PRSS16: variants seen among roughly 807,000 people sequenced by gnomAD.
The protein encoded by PRSS16 is serine protease 16, also known as thymus-specific serine protease.
PRSS16 carries 43 observed loss-of-function variants against 61.7 expected under a neutral mutation model. That is an observed-to-expected ratio of 0.70 (90% CI 0.55 to 0.90). The LOEUF is 0.90. Among genes scored for constraint, PRSS16 ranks in the 40% least tolerant of loss-of-function variants. The pLI is 0.00. For missense variants in PRSS16, 591 were observed against 659.1 expected (o/e 0.90, Z 1.13); for synonymous variants, 273 against 285.2 (o/e 0.96, Z 0.43).
At position 27,250,806 on chromosome 6, in the gene PRSS16, G is replaced by C; in HGVS notation, c.591G>C (p.Lys197Asn). 6.2e-7 allele frequency: 1 copy of C among 1,607,334 alleles called. No individual in the cohort carries two copies. Among genetic ancestry groups the C allele is most frequent in the Non-Finnish European group, 8.5e-7 (1 of 1,177,146 alleles). The change falls in exon 5 of 12, where the codon AAG (lysine) becomes AAC (asparagine). Residue 197 changes from lysine (K) to asparagine (N), a missense_variant and splice_region_variant. By Grantham distance (94) the Lys-to-Asn change is moderately conservative. Transcript: ENST00000230582. The stretch of plus-strand genomic sequence containing the variant: ...CCTTGGCCGCCTGGGCCCGGCTGAA[G>C]GTCCTGCGACTCCTCCGGGTGGGCT... ...AGSLAAWARLKFPHLIFASVA... is the reference protein window; with the variant it reads ...AGSLAAWARLNFPHLIFASVA...
chr6:27,247,708 C>T lies in PRSS16; in HGVS notation c.-30C>T, dbSNP rs780640070. The T allele has an allele frequency of 7.7e-6, 12 of 1,551,714 alleles. No individual in the cohort carries two copies. In the South Asian group the frequency reaches 9.5e-5, roughly 12 times the overall value. ...GGCTGCTGAGGATAAGATAAAGGTCCTCCTGGGGGAGAACAGAGTCCCGAA... is the reference window on the plus strand; with the variant it reads ...GGCTGCTGAGGATAAGATAAAGGTCTTCCTGGGGGAGAACAGAGTCCCGAA... On this transcript the variant is annotated 5_prime_UTR_variant, in exon 1 of 12. Coordinates refer to ENST00000230582, the MANE Select transcript of PRSS16 (RefSeq NM_005865.4).
chr6:27,252,296 T>G lies in PRSS16; in HGVS notation c.1008+256T>G. Reference sequence around the variant, plus strand: ...TACCTATTTTGCCTATCCTGTCCTGTTCTCTTTTGGGGGGCCTGCAGGAGT... The same window carrying G: ...TACCTATTTTGCCTATCCTGTCCTGGTCTCTTTTGGGGGGCCTGCAGGAGT... On this transcript the variant is annotated intron_variant, in intron 8 of 11. Transcript: ENST00000230582. This position sits in a 1 kb window ranked among gnomAD's most constrained non-coding sequence, Gnocchi z 4.2. The G allele has an allele frequency of 2.0e-6, 1 of 495,454 alleles. No individual in the cohort carries two copies. The allele number at this position is 495,454 out of a possible 1,614,324, so 30.7% of individuals were successfully genotyped here. A position where few individuals can be genotyped will look rare whatever the true frequency, so the allele number is the denominator to read the frequency against.
At position 27,252,052 on chromosome 6, in the gene PRSS16, C is replaced by T. The variant is rs545926890; in HGVS notation, c.1008+12C>T. 6 of 1,488,198 alleles carry T rather than the reference C, an allele frequency of 4.0e-6. No homozygotes were observed. Among genetic ancestry groups the T allele is most frequent in the South Asian group, 1.3e-5 (1 of 77,432 alleles). 92.2% of individuals were successfully genotyped at this position (1,488,198 alleles called of 1,614,324 possible). ...GTCGGGCGGTGCAGGTGAGCACTCC[C>T]TGGCACAGCTGGGAGGAGTTAGCGG... On this transcript the variant is annotated intron_variant, in intron 8 of 11. Transcript: ENST00000230582. The surrounding 1 kb of genome is among the most constrained non-coding windows in gnomAD (Gnocchi z 4.2).
At position 27,251,032 on chromosome 6, in the gene PRSS16, C is replaced by T. The variant is rs1759875803; in HGVS notation, c.592-10C>T. 2.5e-6 allele frequency: 4 copies of T among 1,613,570 alleles called. No individual in the cohort carries two copies. Among genetic ancestry groups the T allele is most frequent in the Non-Finnish European group, 3.4e-6 (4 of 1,180,032 alleles). On this transcript the variant is annotated splice_polypyrimidine_tract_variant and intron_variant, in intron 5 of 11. Coordinates refer to ENST00000230582, the MANE Select transcript of PRSS16 (RefSeq NM_005865.4). This position sits in a 1 kb window ranked among gnomAD's most constrained non-coding sequence, Gnocchi z 5.6. ...CTCAGCCCGCAGGCTGACGGCGTCT[C>T]CTCCCTTAGTTCCCCCATCTCATTT...
Position 27,249,245 on chromosome 6 carries a change from G to A in PRSS16, c.467+16G>A, listed in dbSNP as rs1295512093. The A allele has an allele frequency of 1.2e-6, 2 of 1,611,422 alleles. No homozygotes were observed. The highest frequency in any genetic ancestry group is 1.3e-5 in the African/African-American group (1 of 74,998). The stretch of plus-strand genomic sequence containing the variant: ...GCCGCCTTGCGTGAGTGGAGGAAGG[G>A]AAAGTGTTTATGGTCAAAGGACAGG... On this transcript the variant is annotated intron_variant, in intron 4 of 11. Coordinates refer to ENST00000230582, the MANE Select transcript of PRSS16 (RefSeq NM_005865.4).
intron 9 of PRSS16, chr6:27,253,218 G>T: frequency 2.1e-6 from 1 of 472,896 alleles, no homozygotes; most frequent in Non-Finnish European, 3.9e-6. Flanking sequence ...TCCAGGGATG[G>T]CCCCCTTTCC....
At chr6:27,253,395 T>C (rs1759961319) in intron 9 of PRSS16, 2 of 377,658 alleles carry the variant, frequency 5.3e-6, no homozygotes, top group South Asian at 4.1e-5. Flanking sequence ...CCTCCATTCT[T>C]TCTTGCCGGG....
Position 27,250,748 on chromosome 6 carries a change from C to T in PRSS16, c.533C>T (p.Pro178Leu). The T allele has an allele frequency of 1.2e-6, 2 of 1,613,978 alleles. No homozygotes were observed. The highest frequency in any genetic ancestry group is 1.7e-6 in the Non-Finnish European group (2 of 1,179,946). ...SRLFNISSSS[P>L]WICFGGSYAG... is the part of the protein sequence containing the mutation. Reference sequence around the variant, plus strand: ...CTCTTTAACATCTCCTCCTCCAGCCCCTGGATCTGCTTCGGAGGCTCCTAT... The same window carrying T: ...CTCTTTAACATCTCCTCCTCCAGCCTCTGGATCTGCTTCGGAGGCTCCTAT... Residue 178 changes from proline to leucine, a missense_variant, in exon 5 of 12, where the codon CCC becomes CTC. Pro to Leu is a moderately conservative substitution (Grantham distance 98). Coordinates refer to ENST00000230582, the MANE Select transcript of PRSS16 (RefSeq NM_005865.4).
In PRSS16 at chr6:27,255,387, G is replaced by A; in HGVS notation, c.*72G>A. The A allele has an allele frequency of 2.1e-6, 3 of 1,436,628 alleles. No individual in the cohort carries two copies. The highest frequency in any genetic ancestry group is 1.3e-5 in the South Asian group (1 of 77,800). The allele number at this position is 1,436,628 out of a possible 1,614,324, so 89.0% of individuals were successfully genotyped here. On this transcript the variant is annotated 3_prime_UTR_variant, in exon 12 of 12. Coordinates refer to ENST00000230582, the MANE Select transcript of PRSS16 (RefSeq NM_005865.4). The surrounding 1 kb of genome is among the most constrained non-coding windows in gnomAD (Gnocchi z 4.4). ...ATACTTGTTCACTGAACAAAAGAAA[G>A]CAGCTTGTTTTGAAAGAAGAAACTC...
chr6:27,247,978 T>G lies in PRSS16; in HGVS notation c.167T>G (p.Leu56Arg). 1 of 1,612,272 alleles carries G rather than the reference T, an allele frequency of 6.2e-7. No individual in the cohort carries two copies. Among genetic ancestry groups the G allele is most frequent in the Non-Finnish European group, 8.5e-7 (1 of 1,179,194 alleles). ...AGCCTGGGGCCAGGTGCTGCAGCCC[T>G]CCCAAAAGTGGGGTGGCTGGAGCAA... ...GLSLGPGAAA[L>R]PKVGWLEQLL... is the part of the protein sequence containing the mutation. The change falls in exon 2 of 12, where the codon CTC (leucine) becomes CGC (arginine). Residue 56 changes from leucine (L) to arginine (R), a missense_variant. Physicochemically the swap from Leu to Arg is moderately radical, Grantham distance 102 (BLOSUM62 -2). Transcript: ENST00000230582.
intron 9 of PRSS16, chr6:27,253,327 C>A: frequency 3.0e-6 from 1 of 331,308 alleles, no homozygotes; most frequent in South Asian, 2.7e-5. Flanking sequence ...TCTGCATGGA[C>A]AACTCTGTAG....
At position 27,255,639 on chromosome 6, in the gene PRSS16, G is replaced by C. The variant is rs997203722; in HGVS notation, c.*324G>C. On this transcript the variant is annotated 3_prime_UTR_variant, in exon 12 of 12. Coordinates refer to ENST00000230582, the MANE Select transcript of PRSS16 (RefSeq NM_005865.4). This position sits in a 1 kb window ranked among gnomAD's most constrained non-coding sequence, Gnocchi z 4.4. ...TTCTGGTTCAAATTCTGCCACTCCA[G>C]CTCCTGGGTTAGGGGCTTTGCTGTA... The C allele has an allele frequency of 5.5e-5, 15 of 273,248 alleles. No individual in the cohort carries two copies. Among genetic ancestry groups the C allele is most frequent in the South Asian group, 4.2e-4 (10 of 24,022 alleles). The allele number at this position is 273,248 out of a possible 1,614,324, so 16.9% of individuals were successfully genotyped here. A position where few individuals can be genotyped will look rare whatever the true frequency, so the allele number is the denominator to read the frequency against.
intron 9 of PRSS16, 49 bp from the exon 10 acceptor site, chr6:27,254,644 A>G (rs911688512): frequency 6.8e-7 from 1 of 1,477,754 alleles, no homozygotes; most frequent in African/African-American, 1.4e-5. Flanking sequence ...ATTGAAGGAG[A>G]GTGGTGGGCT....
intron 4 of PRSS16, among the ~76,000 whole-genome samples, chr6:27,249,674 A>T (rs1759831174): frequency 6.6e-6 from 1 of 152,182 alleles, no homozygotes; most frequent in Non-Finnish European, 1.5e-5. Context: ...AGCAATTTTG[A>T]CTGTATTTGA....
rs185057372 is a variant in PRSS16 at position 27,254,875 on chromosome 6, G to A, written c.1330+3G>A. ...TAACAAAGTGCTGTTTGTTAATGGT[G>A]AGCATGCTATCAAAACCTGGCTGCT... On this transcript the variant is annotated splice_donor_region_variant and intron_variant, in intron 10 of 11. Coordinates refer to ENST00000230582, the MANE Select transcript of PRSS16 (RefSeq NM_005865.4). 97 of 1,613,732 alleles carry A rather than the reference G, an allele frequency of 6.0e-5. No homozygotes were observed. The African/African-American group carries it at 1.3e-3, about 21-fold the overall frequency.
At chr6:27,253,403 G>A (rs528999308) in intron 9 of PRSS16, 18 of 383,172 alleles carry the variant, frequency 4.7e-5, no homozygotes, top group Middle Eastern at 3.6e-4. Context: ...CTTTCTTGCC[G>A]GGATCCCTTC....
chr6:27,251,640 C>T lies in PRSS16; in HGVS notation c.718-110C>T. On this transcript the variant is annotated intron_variant, in intron 7 of 11. Coordinates refer to ENST00000230582, the MANE Select transcript of PRSS16 (RefSeq NM_005865.4). The surrounding 1 kb of genome is among the most constrained non-coding windows in gnomAD (Gnocchi z 5.6). ...GGGCCAAGAGCTAGGTCTGCACCCT[C>T]TGAGTCCCGCTAGGGGAAAGTGGGG... 1 of 1,338,240 alleles carries T rather than the reference C, an allele frequency of 7.5e-7. No homozygotes were observed. The highest frequency in any genetic ancestry group is 9.9e-7 in the Non-Finnish European group (1 of 1,007,834). 82.9% of individuals were successfully genotyped at this position (1,338,240 alleles called of 1,614,324 possible). A position where few individuals can be genotyped will look rare whatever the true frequency, so the allele number is the denominator to read the frequency against.
Position 27,255,607 on chromosome 6 carries a change from G to C in PRSS16, c.*292G>C, listed in dbSNP as rs1760013880. On this transcript the variant is annotated 3_prime_UTR_variant, in exon 12 of 12. Coordinates refer to ENST00000230582, the MANE Select transcript of PRSS16 (RefSeq NM_005865.4). The surrounding 1 kb of genome is among the most constrained non-coding windows in gnomAD (Gnocchi z 4.4). ...CTTATGCTGGTGCCCTCGCCCTGCT[G>C]ATCAGATTCTGGTTCAAATTCTGCC... is the stretch of plus-strand genomic sequence containing the variant. 1 of 306,100 alleles carries C rather than the reference G, an allele frequency of 3.3e-6. No individual in the cohort carries two copies. Among genetic ancestry groups the C allele is most frequent in the Non-Finnish European group, 6.2e-6 (1 of 160,182 alleles). 19.0% of individuals were successfully genotyped at this position (306,100 alleles called of 1,614,324 possible).
intron 9 of PRSS16, 38 bp from the exon 10 acceptor site, chr6:27,254,655 G>A (rs375605785): frequency 1.4e-5 from 22 of 1,529,732 alleles, no homozygotes; most frequent in African/African-American, 2.7e-5. Flanking sequence ...GTGGTGGGCT[G>A]CCTGTATACC....
Sources: gnomAD v4.1 joint callset for allele counts (sites outside exome capture counted in the v4.1 genomes callset) on GRCh38, gnomAD v4.1.1 for gene constraint, Gnocchi (gnomAD v3.1) non-coding constraint, MANE v1.5 for transcripts, NCBI Gene and HGNC (gene_info 2026-07-23, HGNC 2026-07-21) for gene names.